The following GRIK3 variants were observed in gnomAD, a reference collection of about 807,000 sequenced individuals.
GRIK3 encodes the protein glutamate ionotropic receptor kainate type subunit 3.
GRIK3 carries 29 observed loss-of-function variants against 102.5 expected under a neutral mutation model. The ratio of observed to expected loss-of-function variants is 0.28; its 90% CI spans 0.21 to 0.39. The LOEUF is 0.39. GRIK3 is among the 10% of genes least tolerant of loss of function. GRIK3 has a pLI of 1.00. For missense variants in GRIK3, 908 were observed against 1,252.4 expected, an observed-to-expected ratio of 0.73 and a Z score of 4.15; for synonymous variants, 511 against 504.9, an observed-to-expected ratio of 1.01 and a Z score of -0.16.
chr1:36,956,687 C>T (rs1206421580), intron 1 of GRIK3, among the ~76,000 whole-genome samples: 1 of 152,182 alleles, frequency 6.6e-6, no homozygotes, highest in Admixed American at 6.5e-5. Context: ...CCCCGAGGTG[C>T]ACAGGAAACA....
chr1:36,845,415 G>A (rs1486080502), intron 9 of GRIK3, among the ~76,000 whole-genome samples: 1 of 152,140 alleles, frequency 6.6e-6, no homozygotes, highest in Non-Finnish European at 1.5e-5. Context: ...CCGTTGTCAG[G>A]GCTCTTGGTC....
chr1:36,866,197 T>C (rs1225107914), intron 5 of GRIK3, among the ~76,000 whole-genome samples: 1 of 152,240 alleles, frequency 6.6e-6, no homozygotes, highest in East Asian at 1.9e-4. Context: ...CAGAGGGTTT[T>C]GGAACTGGTG....
At chr1:37,024,665 C>T (rs1029911319) in intron 1 of GRIK3, among the ~76,000 whole-genome samples, 9 of 148,992 alleles carry the variant, frequency 6.0e-5, no homozygotes, top group Non-Finnish European at 1.0e-4. Flanking sequence ...ATTGCTTGAA[C>T]CCAGGAAGTG....
chr1:37,016,207 G>A lies in GRIK3; in HGVS notation c.115+17787C>T, dbSNP rs530681426. Among the ~76,000 whole-genome samples the A allele has an allele frequency of 3.9e-5, 6 of 152,298 alleles. No homozygotes were observed. In the East Asian group the frequency reaches 9.6e-4, roughly 24 times the overall value. ...GGCACTTATTAATTGCCAATTGTGG[G>A]CATTGCTAGGGGCAGCTGCTAGGAA... On this transcript the variant is annotated intron_variant, in intron 1 of 15. Transcript: ENST00000373091.
chr1:37,007,668 C>G (rs1642546930), intron 1 of GRIK3, among the ~76,000 whole-genome samples: 1 of 152,208 alleles, frequency 6.6e-6, no homozygotes, highest in Non-Finnish European at 1.5e-5. Context: ...GGGCTAGGCA[C>G]TTTTGAGGCG....
At chr1:36,820,176 C>T (rs965740993) in intron 11 of GRIK3, among the ~76,000 whole-genome samples, 2 of 152,146 alleles carry the variant, frequency 1.3e-5, no homozygotes, top group Non-Finnish European at 2.9e-5. Flanking sequence ...TTTATCAAAG[C>T]ATTGTTTGCA....
chr1:36,834,310 A>C (rs1012521921), intron 10 of GRIK3, among the ~76,000 whole-genome samples: 5 of 152,050 alleles, frequency 3.3e-5, no homozygotes, highest in African/African-American at 1.2e-4. Context: ...GCCATCCTGC[A>C]GTTGGTGGGG....
intron 1 of GRIK3, among the ~76,000 whole-genome samples, chr1:36,909,230 G>A (rs1641318108): frequency 6.6e-6 from 1 of 151,972 alleles, no homozygotes; most frequent in Non-Finnish European, 1.5e-5. Context: ...ACCATTGGCA[G>A]CCTGAAATCG....
intron 1 of GRIK3, among the ~76,000 whole-genome samples, chr1:36,952,647 G>A (rs979343771): frequency 1.3e-5 from 2 of 152,228 alleles, no homozygotes; most frequent in African/African-American, 2.4e-5. Flanking sequence ...CAACAGTGGG[G>A]AGGAACTTGC....
chr1:36,831,004 G>A (rs1640285197), intron 10 of GRIK3, among the ~76,000 whole-genome samples: 1 of 152,122 alleles, frequency 6.6e-6, no homozygotes, highest in Non-Finnish European at 1.5e-5. Flanking sequence ...AACCAGCCCT[G>A]CTGACACCTT....
intron 1 of GRIK3, among the ~76,000 whole-genome samples, chr1:36,934,452 A>T (rs1641631774): frequency 6.6e-6 from 1 of 152,108 alleles, no homozygotes; most frequent in Admixed American, 6.5e-5. Context: ...AGAACTCTTC[A>T]CCAGCTCAGG....
At chr1:36,979,254 G>C (rs1385380583) in intron 1 of GRIK3, among the ~76,000 whole-genome samples, 1 of 152,266 alleles carries the variant, frequency 6.6e-6, no homozygotes, top group African/African-American at 2.4e-5. Flanking sequence ...TGGCCTGCAA[G>C]GAACCATTCA....
At chr1:36,979,626 G>T (rs1642229874) in intron 1 of GRIK3, among the ~76,000 whole-genome samples, 1 of 152,206 alleles carries the variant, frequency 6.6e-6, no homozygotes, top group Non-Finnish European at 1.5e-5. Context: ...CCTATGACCT[G>T]GCTCATAAAG....
At chr1:36,899,739 C>T (rs959282893) in intron 1 of GRIK3, among the ~76,000 whole-genome samples, 1 of 152,088 alleles carries the variant, frequency 6.6e-6, no homozygotes, top group Non-Finnish European at 1.5e-5. Flanking sequence ...GACATGCCAT[C>T]CTAATATCAA....
At chr1:37,029,391 G>C (rs1306805758) in intron 1 of GRIK3, among the ~76,000 whole-genome samples, 2 of 152,220 alleles carry the variant, frequency 1.3e-5, no homozygotes, top group African/African-American at 2.4e-5. Context: ...CTGCCCAGTG[G>C]AGTGAAGCAC....
At chr1:36,900,169 A>C (rs1466931652) in intron 1 of GRIK3, among the ~76,000 whole-genome samples, 2 of 152,258 alleles carry the variant, frequency 1.3e-5, no homozygotes, top group Non-Finnish European at 2.9e-5. Context: ...ATCTTAACAA[A>C]TTTAAAAGAC....
At chr1:36,874,409 A>C (rs1194418670) in intron 3 of GRIK3, among the ~76,000 whole-genome samples, 1 of 152,180 alleles carries the variant, frequency 6.6e-6, no homozygotes, top group East Asian at 1.9e-4. Context: ...TGAAGACTCA[A>C]ACCCATGTGC....
intron 1 of GRIK3, among the ~76,000 whole-genome samples, chr1:37,011,314 C>T (rs1313466856): frequency 6.6e-6 from 1 of 152,180 alleles, no homozygotes; most frequent in African/African-American, 2.4e-5. Context: ...TACTAGCTTA[C>T]AAGCCCTGAG....
intron 13 of GRIK3, among the ~76,000 whole-genome samples, chr1:36,811,647 T>A (rs1444911799): frequency 6.6e-6 from 1 of 152,180 alleles, no homozygotes; most frequent in Non-Finnish European, 1.5e-5. Flanking sequence ...ATCTCCAGTG[T>A]GCTCCAGTTA....
Sources: gnomAD v4.1 joint callset for allele counts (sites outside exome capture counted in the v4.1 genomes callset) on GRCh38, gnomAD v4.1.1 for gene constraint, MANE v1.5 for transcripts, NCBI Gene and HGNC (gene_info 2026-07-23, HGNC 2026-07-21) for gene names.